The following RTBDN variants were observed in gnomAD, a reference collection of about 807,000 sequenced individuals.
RTBDN encodes retbindin.
Under a neutral mutation model 21.9 loss-of-function variants are expected in RTBDN, and 24 were observed. The observed-to-expected ratio is 1.10, with a 90% CI of 0.79 to 1.54. The LOEUF is 1.54. RTBDN is among the 40% of genes most tolerant of loss of function. RTBDN has a pLI of 0.00. For missense variants in RTBDN, 325 were observed against 315.2 expected (o/e 1.03, Z -0.23); for synonymous variants, 141 against 125.9 (o/e 1.12, Z -0.80).
intron 1 of RTBDN, among the ~76,000 whole-genome samples, chr19:12,833,413 G>A (rs1318445741): frequency 6.6e-6 from 1 of 151,908 alleles, no homozygotes; most frequent in African/African-American, 2.4e-5. Context: ...CGTGGGGAGG[G>A]GGATGGCTTT....
rs1969669476 is a variant in RTBDN at position 12,833,942 on chromosome 19, G to C, written c.-19+547C>G. Reference sequence around the variant, plus strand: ...GCCGCTACCTCCCTCCTCCCTCCCCGGGCCGAAGTCGCCGCCGCTGCCGCC... The same window carrying C: ...GCCGCTACCTCCCTCCTCCCTCCCCCGGCCGAAGTCGCCGCCGCTGCCGCC... On this transcript the variant is annotated intron_variant, in intron 1 of 5. Transcript: ENST00000674343. 1.5e-5 allele frequency: 4 copies of C among 271,814 alleles called. No individual in the cohort carries two copies. The South Asian group carries it at 4.6e-4, about 32-fold the overall frequency. The allele number at this position is 271,814 out of a possible 1,614,324, so 16.8% of individuals were successfully genotyped here.
chr19:12,835,017 G>T, upstream of RTBDN: 1 of 1,590,326 alleles, frequency 6.3e-7, no homozygotes, highest in Non-Finnish European at 8.6e-7. Flanking sequence ...ATAAAGCCGA[G>T]AATGGGCCCA....
Position 12,825,498 on chromosome 19 carries a change from T to C in RTBDN, c.*208A>G. 1 of 779,308 alleles carries C rather than the reference T, an allele frequency of 1.3e-6. No individual in the cohort carries two copies. The highest frequency in any genetic ancestry group is 1.8e-5 in the African/African-American group (1 of 56,338). The allele number at this position is 779,308 out of a possible 1,614,324, so 48.3% of individuals were successfully genotyped here. A position where few individuals can be genotyped will look rare whatever the true frequency, so the allele number is the denominator to read the frequency against. ...CTCGTCACGTGCTCTAGCTGGCGAC[T>C]TTATTCAAAGGGGAGAGGGAAAAGT... On this transcript the variant is annotated 3_prime_UTR_variant, in exon 6 of 6. Coordinates refer to ENST00000674343, the MANE Select transcript of RTBDN (RefSeq NM_001270441.2).
At chr19:12,833,878 C>T (rs1272802000) in intron 1 of RTBDN, 1 of 389,044 alleles carries the variant, frequency 2.6e-6, no homozygotes, top group Non-Finnish European at 4.5e-6. Context: ...GCCGCGGTCC[C>T]CGCGGCTTCT....
rs1364424614 is a variant in RTBDN, at chr19:12,825,881, G to T, written c.515C>A (p.Pro172Gln). ...GTGACGGGCTCCAGGAGCAGCCACC[G>T]GTAGGGCGTGGCCCAGAGCCGAGCG... The part of the protein sequence containing the change: ...LCRSALGHAL[P>Q]VAAPGARHCF... Residue 172 changes from proline (P) to glutamine (Q), a missense_variant, in exon 6 of 6, where the codon CCG becomes CAG. By Grantham distance (76) the Pro-to-Gln change is moderately conservative. Transcript: ENST00000674343. 5.6e-6 allele frequency: 9 copies of T among 1,613,144 alleles called. No homozygotes were observed. Among genetic ancestry groups the T allele is most frequent in the Non-Finnish European group, 7.6e-6 (9 of 1,179,622 alleles).
At chr19:12,829,201 T>C (rs954357759) in intron 2 of RTBDN, among the ~76,000 whole-genome samples, 9 of 151,844 alleles carry the variant, frequency 5.9e-5, no homozygotes, top group African/African-American at 2.2e-4. Flanking sequence ...TTCCTTTTTT[T>C]TTTTTCTTTT....
intron 1 of RTBDN, among the ~76,000 whole-genome samples, chr19:12,832,178 T>A (rs1969598491): frequency 6.6e-6 from 1 of 152,236 alleles, no homozygotes; most frequent in African/African-American, 2.4e-5. Context: ...TTTGTGTGTC[T>A]GTGTTTACTG....
In RTBDN at chr19:12,834,557, C is replaced by A. The variant is rs1362849553; in HGVS notation, c.-87G>T. On this transcript the variant is annotated 5_prime_UTR_variant, in exon 1 of 6. The change abolishes an upstream ATG in the 5' untranslated region. Transcript: ENST00000674343. The surrounding 1 kb of genome is among the most constrained non-coding windows in gnomAD (Gnocchi z 4.7). The stretch of plus-strand genomic sequence containing the variant: ...GCACCTAGACAGCTTTCTCACTCTT[C>A]ATTCCACCTCCTCCACTACAACATC... 2.6e-6 allele frequency: 4 copies of A among 1,530,120 alleles called. No individual in the cohort carries two copies. Among genetic ancestry groups the A allele is most frequent in the African/African-American group, 2.7e-5 (2 of 72,950 alleles). 94.8% of individuals were successfully genotyped at this position (1,530,120 alleles called of 1,614,324 possible).
Position 12,825,917 on chromosome 19 carries a change from G to C in RTBDN, c.479C>G (p.Thr160Arg). Residue 160 changes from threonine to arginine, a missense_variant, in exon 6 of 6, where the codon ACG (threonine) becomes AGG (arginine). Transcript: ENST00000674343. ...LTYGQTFADG[T>R]DLCRSALGHA... ...GCCCAGAGCCGAGCGACAAAGGTCC[G>C]TCCCGTCTGCGAAGGTCTAGGAAAA... The C allele has an allele frequency of 1.3e-6, 2 of 1,595,238 alleles. No individual in the cohort carries two copies. The highest frequency in any genetic ancestry group is 8.6e-7 in the Non-Finnish European group (1 of 1,168,712).
intron 1 of RTBDN, among the ~76,000 whole-genome samples, chr19:12,831,016 TTG>T (rs56204944): frequency 0.43 from 57,058 of 131,964 alleles, 12,226 homozygotes; most frequent in South Asian, 0.58. Flanking sequence ...GGTGGAGTGG[TTG>T]TGTGTGTGTG....
Position 12,828,700 on chromosome 19 carries a change from C to A in RTBDN, c.322G>T (p.Val108Leu), listed in dbSNP as rs774122446. The A allele has an allele frequency of 1.9e-6, 3 of 1,614,208 alleles. No homozygotes were observed. Among genetic ancestry groups the A allele is most frequent in the Middle Eastern group, 1.7e-4 (1 of 6,060 alleles). Residue 108 changes from valine (V) to leucine (L), a missense_variant, in exon 4 of 6, where the codon GTA (valine) becomes TTA (leucine). Val to Leu is a conservative substitution (Grantham distance 32, BLOSUM62 1). Transcript: ENST00000674343. ...TCGCAGAGCGGCTGTGCCTGGCGTACCCCCAATAGCCGCAGGCGGAAGCGA... is the reference window on the plus strand; with the variant it reads ...TCGCAGAGCGGCTGTGCCTGGCGTAACCCCAATAGCCGCAGGCGGAAGCGA... ...RSRFRLRLLG[V>L]RQAQPLCEEL...
intron 5 of RTBDN, chr19:12,826,239 G>A: frequency 7.8e-7 from 1 of 1,289,996 alleles, no homozygotes; most frequent in African/African-American, 1.5e-5. Flanking sequence ...AAATGTGGAT[G>A]GACCCAGAGC....
In RTBDN at chr19:12,829,887, G is replaced by A. The variant is rs1412076331; in HGVS notation, c.93C>T (p.Ser31=). The stretch of plus-strand genomic sequence containing the variant: ...GCTGGGACCTGGCTTGGAGTGGGCG[G>A]CTCCCTCCACAGGCTTCTAGCAGGA... ...AWILLEACGG[S]RPLQARSQQH... Residue 31 remains serine (S), a synonymous_variant, in exon 2 of 6, where the codon AGC becomes AGT. Transcript: ENST00000674343. 2 of 1,614,018 alleles carry A rather than the reference G, an allele frequency of 1.2e-6. No individual in the cohort carries two copies. Among genetic ancestry groups the A allele is most frequent in the Admixed American group, 3.3e-5 (2 of 59,994 alleles).
intron 3 of RTBDN, 26 bp from the exon 4 acceptor site, chr19:12,828,793 G>C (rs774951554): frequency 5.6e-6 from 9 of 1,613,514 alleles, no homozygotes; most frequent in Non-Finnish European, 7.6e-6. Context: ...GATAGGGTCG[G>C]ATGGGTCAGG....
intron 5 of RTBDN, chr19:12,826,406 G>T: frequency 7.9e-7 from 1 of 1,269,876 alleles, no homozygotes; most frequent in South Asian, 1.3e-5. Context: ...GAAAGAACTT[G>T]GTGGGGGCCG....
At chr19:12,835,146 A>G (rs1969711885), upstream of RTBDN, 1 of 1,599,812 alleles carries the variant, frequency 6.3e-7, no homozygotes. Flanking sequence ...GGCCAAGGGG[A>G]GCTGATTGGT....
intron 4 of RTBDN, 55 bp from the exon 5 acceptor site, chr19:12,826,926 G>A (rs1427069356): frequency 1.0e-5 from 13 of 1,254,818 alleles, no homozygotes; most frequent in Non-Finnish European, 1.4e-5. Context: ...ATTCCAGCGC[G>A]ATTCTGGCTC....
chr19:12,830,061 T>G lies in RTBDN; in HGVS notation c.-18-64A>C. 1 of 1,528,904 alleles carries G rather than the reference T, an allele frequency of 6.5e-7. No homozygotes were observed. Among genetic ancestry groups the G allele is most frequent in the Non-Finnish European group, 8.9e-7 (1 of 1,120,762 alleles). 94.7% of individuals were successfully genotyped at this position (1,528,904 alleles called of 1,614,324 possible). ...TGAGCTTAGGGTGGCACCCACCCAG[T>G]GCATACCCAAGAAGCAGTGCCAGGC... On this transcript the variant is annotated intron_variant, in intron 1 of 5. Transcript: ENST00000674343. This position sits in a 1 kb window ranked among gnomAD's most constrained non-coding sequence, Gnocchi z 4.2.
At chr19:12,826,166 A>G in intron 5 of RTBDN, 2 of 1,376,170 alleles carry the variant, frequency 1.5e-6, no homozygotes, top group Non-Finnish European at 1.9e-6. Context: ...GGGCGCGCAG[A>G]GAGGTCTGTA....
Sources: gnomAD v4.1 joint callset for allele counts (sites outside exome capture counted in the v4.1 genomes callset) on GRCh38, gnomAD v4.1.1 for gene constraint, Gnocchi (gnomAD v3.1) non-coding constraint, MANE v1.5 for transcripts, NCBI Gene and HGNC (gene_info 2026-07-23, HGNC 2026-07-21) for gene names.